Variants in ATP13A4 observed in about 807,000 individuals in gnomAD.
The protein encoded by ATP13A4 is probable cation-transporting ATPase 13A4.
A neutral mutation model predicts 142.5 loss-of-function variants in ATP13A4; 114 were observed. The observed-to-expected ratio is 0.80, with a 90% CI of 0.69 to 0.93. The LOEUF (loss-of-function observed/expected upper bound fraction) is 0.93, where lower values mean the gene tolerates loss of function less well. Ranked by LOEUF, ATP13A4 falls within the 40% of genes least tolerant of loss-of-function variation. The pLI, the probability that ATP13A4 is intolerant of heterozygous loss-of-function variation, is 0.00. For missense variants in ATP13A4, 1,392 were observed against 1,454.0 expected (o/e 0.96, Z 0.69); for synonymous variants, 488 against 514.8 (o/e 0.95, Z 0.70).
intron 1 of ATP13A4, among the ~76,000 whole-genome samples, chr3:193,543,619 A>C (rs1339942498): frequency 6.6e-6 from 1 of 152,176 alleles, no homozygotes. Flanking sequence ...GTCTCTCTTG[A>C]GGATTTTTGC....
intron 14 of ATP13A4, chr3:193,458,601 T>G (rs1717773565): frequency 5.6e-6 from 1 of 177,124 alleles, no homozygotes; most frequent in South Asian, 1.3e-4. Flanking sequence ...GTTTTCCTTT[T>G]TGTTCTTTCT....
At chr3:193,591,122 G>A (rs1724756767) in intron 1 of ATP13A4, among the ~76,000 whole-genome samples, 1 of 152,218 alleles carries the variant, frequency 6.6e-6, no homozygotes, top group African/African-American at 2.4e-5. Flanking sequence ...GGAGTGCAGT[G>A]GCACAATCTC....
At position 193,412,300 on chromosome 3, in the gene ATP13A4, C is replaced by T. The variant is rs143680852; in HGVS notation, c.3086G>A (p.Ser1029Asn). 3 of 1,613,908 alleles carry T rather than the reference C, an allele frequency of 1.9e-6. No individual in the cohort carries two copies. Among genetic ancestry groups the T allele is most frequent in the African/African-American group, 2.7e-5 (2 of 74,928 alleles). ...CTCAAAACTTGTGAAGGTGCTATTA[C>T]TTTCCATTTTTTCTGGAGCAGTTGG... ...MSPTAPEKME[S>N]NSTFTSFENT... Residue 1029 changes from serine (S) to asparagine (N), a missense_variant, in exon 27 of 30, where the codon AGT (serine) becomes AAT (asparagine). Coordinates refer to ENST00000342695, the MANE Select transcript of ATP13A4 (RefSeq NM_032279.4).
At chr3:193,473,116 C>A (rs9816614) in intron 8 of ATP13A4, among the ~76,000 whole-genome samples, 65,570 of 152,054 alleles carry the variant, frequency 0.43, 14,114 homozygotes, top group Admixed American at 0.48. Flanking sequence ...GTACAGGCTG[C>A]GCCAAGAAAA....
At chr3:193,458,746 C>A (rs1717779824) in intron 14 of ATP13A4, 1 of 507,492 alleles carries the variant, frequency 2.0e-6, no homozygotes, top group African/African-American at 1.9e-5. Context: ...CGAAACCAGA[C>A]AATGCTCGGA....
At chr3:193,409,141 T>C (rs981836838) in intron 28 of ATP13A4, among the ~76,000 whole-genome samples, 3 of 152,318 alleles carry the variant, frequency 2.0e-5, no homozygotes, top group East Asian at 1.9e-4. Context: ...ACCAAATGAA[T>C]GTGTTCCCCA....
chr3:193,409,184 T>C (rs749587406), intron 28 of ATP13A4, among the ~76,000 whole-genome samples: 15 of 152,088 alleles, frequency 9.9e-5, no homozygotes, highest in Non-Finnish European at 1.6e-4. Context: ...AAGTAAGCAG[T>C]TTCTAGGTTG....
chr3:193,443,335 C>A (rs1294744774), intron 18 of ATP13A4, among the ~76,000 whole-genome samples: 2 of 152,124 alleles, frequency 1.3e-5, no homozygotes, highest in African/African-American at 4.8e-5. Context: ...AAAGATAACC[C>A]CAAAAACTTC....
At chr3:193,429,359 A>G (rs1260084580) in intron 25 of ATP13A4, among the ~76,000 whole-genome samples, 1 of 152,164 alleles carries the variant, frequency 6.6e-6, no homozygotes, top group Admixed American at 6.6e-5. Flanking sequence ...TGTTCATTGC[A>G]GCATTATTCA....
chr3:193,489,250 A>G (rs1236163256), intron 7 of ATP13A4, among the ~76,000 whole-genome samples: 1 of 152,100 alleles, frequency 6.6e-6, no homozygotes. Context: ...AATCTGTTCT[A>G]TGTAATTTTT....
At chr3:193,586,768 A>T (rs1269428850) in intron 1 of ATP13A4, among the ~76,000 whole-genome samples, 1 of 152,350 alleles carries the variant, frequency 6.6e-6, no homozygotes, top group South Asian at 2.1e-4. Flanking sequence ...TTGTTTTATA[A>T]TAAGTATTGA....
At chr3:193,550,305 G>GT (rs66816945) in intron 1 of ATP13A4, among the ~76,000 whole-genome samples, 3,684 of 131,944 alleles carry the variant, frequency 0.028, 140 homozygotes, top group African/African-American at 0.077. Flanking sequence ...TGAATTTTAG[G>GT]TTTTTTTTTT....
In ATP13A4 at chr3:193,514,845, G is replaced by C; in HGVS notation, c.87C>G (p.Gly29=). ...CGGCAAGGCAGAGACTTTTCCGGCA[G>C]CCTTGAGTCCGATAGCCAAATATCT... The part of the protein sequence containing the change: ...EMEIFGYRTQ[G]CRKSLCLAGS... The change falls in exon 2 of 30, where the codon GGC becomes GGG. Residue 29 remains glycine (G), a synonymous_variant. Transcript: ENST00000342695. 1.2e-6 allele frequency: 2 copies of C among 1,614,188 alleles called. No homozygotes were observed. The highest frequency in any genetic ancestry group is 1.7e-6 in the Non-Finnish European group (2 of 1,180,014).
intron 2 of ATP13A4, among the ~76,000 whole-genome samples, chr3:193,567,654 C>T (rs1724163839): frequency 6.6e-6 from 1 of 152,150 alleles, no homozygotes; most frequent in African/African-American, 2.4e-5. Context: ...CATTAAGGAC[C>T]CACCAAACTC....
intron 8 of ATP13A4, among the ~76,000 whole-genome samples, chr3:193,475,628 T>A (rs1718921150): frequency 6.6e-6 from 1 of 151,978 alleles, no homozygotes; most frequent in Non-Finnish European, 1.5e-5. Context: ...GTCTTACAGA[T>A]TTGACTTTCA....
intron 28 of ATP13A4, 26 bp from the exon 29 acceptor site, chr3:193,407,419 T>C: frequency 6.4e-7 from 1 of 1,567,472 alleles, no homozygotes; most frequent in South Asian, 1.1e-5. Context: ...GAAGCACAGT[T>C]AGTCTGAAGA....
In ATP13A4 at chr3:193,587,676, T is replaced by C. The variant is rs146141781; in HGVS notation, n.91+5345A>G. On this transcript the variant is annotated intron_variant and non_coding_transcript_variant, in intron 1 of 3. Coordinates refer to the ATP13A4 transcript ENST00000489140. ...ACTATTTCTGGTGTTTGCTTTTTAT[T>C]AATTTCTTAGGATTTTCTATGTAAT... is the stretch of plus-strand genomic sequence containing the variant. 8.2e-3 allele frequency among the ~76,000 whole-genome samples: 1,253 copies of C among 152,354 alleles called. 9 individuals carry two copies. The highest frequency in any genetic ancestry group is 0.012 in the Non-Finnish European group (807 of 68,026).
At chr3:193,460,507 T>C (rs981319864) in intron 13 of ATP13A4, among the ~76,000 whole-genome samples, 2 of 152,226 alleles carry the variant, frequency 1.3e-5, no homozygotes, top group African/African-American at 4.8e-5. Context: ...TGGCTTCATA[T>C]TGACCCTGTT....
At chr3:193,442,635 G>A in intron 18 of ATP13A4, 79 bp from the exon 19 acceptor site, 4 of 1,395,946 alleles carry the variant, frequency 2.9e-6, no homozygotes, top group Non-Finnish European at 4.0e-6. Context: ...AACCAGAGCA[G>A]GGAGTTCAGT....
Sources: gnomAD v4.1 joint callset for allele counts (sites outside exome capture counted in the v4.1 genomes callset) on GRCh38, gnomAD v4.1.1 for gene constraint, MANE v1.5 for transcripts, NCBI Gene and HGNC (gene_info 2026-07-23, HGNC 2026-07-21) for gene names.